RAP1GDS1: variants seen among roughly 807,000 people sequenced by gnomAD.
RAP1GDS1 encodes the protein RAP1, GTP-GDP dissociation stimulator 1.
Under a neutral mutation model 71.1 loss-of-function variants are expected in RAP1GDS1, and 35 were observed. That is an observed-to-expected ratio of 0.49 (90% CI 0.38 to 0.65). The LOEUF is 0.65. Ranked by LOEUF, RAP1GDS1 falls within the 30% of genes least tolerant of loss-of-function variation. The pLI is 0.00. For missense variants in RAP1GDS1, 663 were observed against 706.1 expected, an observed-to-expected ratio of 0.94 and a Z score of 0.69; for synonymous variants, 229 against 243.1, an observed-to-expected ratio of 0.94 and a Z score of 0.54.
At chr4:98,418,893 A>AT in intron 10 of RAP1GDS1, 102 bp downstream of exon 10, 1 of 1,178,862 alleles carries the variant, frequency 8.5e-7, no homozygotes, top group Non-Finnish European at 1.1e-6. Context: ...GATGAAGAAA[A>AT]TTTAAAAAAA....
chr4:98,433,609 C>T (rs1578874502), intron 12 of RAP1GDS1, among the ~76,000 whole-genome samples: 1 of 152,102 alleles, frequency 6.6e-6, no homozygotes, highest in African/African-American at 2.4e-5. Flanking sequence ...AAGTTTTATT[C>T]TTGTTTGTCA....
chr4:98,272,778 GTATAAAATCCACTTTTCAGTTGCCA>G (rs1723657191), intron 1 of RAP1GDS1, among the ~76,000 whole-genome samples: 1 of 152,028 alleles, frequency 6.6e-6, no homozygotes, highest in Non-Finnish European at 1.5e-5. Context: ...ATCTCCAGTT[GTATAAAATCCACTTTTCAGTTGCCA>G]TATAAAATCC....
intron 1 of RAP1GDS1, among the ~76,000 whole-genome samples, chr4:98,271,082 A>G (rs2110231095): frequency 6.6e-6 from 1 of 152,202 alleles, no homozygotes; most frequent in Middle Eastern, 3.4e-3. Flanking sequence ...TAGGGAGTTA[A>G]AAGTTATGTG....
chr4:98,289,853 C>A (rs533839105), intron 1 of RAP1GDS1, among the ~76,000 whole-genome samples: 2 of 152,148 alleles, frequency 1.3e-5, no homozygotes, highest in South Asian at 4.1e-4. Context: ...TTCTTCCATT[C>A]ATGCATTGGC....
rs1323999066 is a variant in RAP1GDS1 at position 98,293,503 on chromosome 4, C to T, written c.100C>T (p.Leu34=). The T allele has an allele frequency of 6.2e-7, 1 of 1,604,046 alleles. No individual in the cohort carries two copies. Residue 34 remains leucine (L), a synonymous_variant, in exon 2 of 15, where the codon CTG becomes TTG. Transcript: ENST00000408927. ...EGCLDCLLQA[L]AQNNTETSEK... ...ATGCTTGGATTGTCTGCTTCAAGCC[C>T]TGGCTCAAAATAGTAAGTTTCATTA...
At chr4:98,384,078 AT>A (rs1229242144) in intron 5 of RAP1GDS1, among the ~76,000 whole-genome samples, 1 of 151,604 alleles carries the variant, frequency 6.6e-6, no homozygotes, top group Non-Finnish European at 1.5e-5. Flanking sequence ...TATCTTTGCA[AT>A]TTATTATCTT....
chr4:98,272,922 C>T (rs1723688900), intron 1 of RAP1GDS1, among the ~76,000 whole-genome samples: 1 of 152,176 alleles, frequency 6.6e-6, no homozygotes, highest in Non-Finnish European at 1.5e-5. Flanking sequence ...TTTCGCTGAG[C>T]TCATAAGGCA....
At chr4:98,350,578 G>A (rs1351427865) in intron 3 of RAP1GDS1, among the ~76,000 whole-genome samples, 4 of 152,074 alleles carry the variant, frequency 2.6e-5, no homozygotes, top group Non-Finnish European at 5.9e-5. Context: ...GGTGGCTCAC[G>A]GCTGTAATCT....
chr4:98,294,576 A>G (rs1202299033), intron 2 of RAP1GDS1, among the ~76,000 whole-genome samples: 1 of 152,142 alleles, frequency 6.6e-6, no homozygotes, highest in Non-Finnish European at 1.5e-5. Context: ...ATGGTAAAGA[A>G]AAAGGACAGG....
chr4:98,439,945 C>T lies in RAP1GDS1; in HGVS notation c.1697-2045C>T, dbSNP rs529309722. Among the ~76,000 whole-genome samples, 1,173 of 152,270 alleles carry T rather than the reference C, an allele frequency of 7.7e-3. 15 individuals carry two copies. Among genetic ancestry groups the T allele is most frequent in the African/African-American group, 0.027 (1,123 of 41,550 alleles). ...CACCAGCATCCATCTCCAGAACCAC[C>T]TTCATTTTCCCAAACTGAAACTCTG... is the stretch of plus-strand genomic sequence containing the variant. On this transcript the variant is annotated intron_variant, in intron 14 of 14. Transcript: ENST00000408927.
chr4:98,326,200 A>G (rs1246287565), intron 2 of RAP1GDS1, among the ~76,000 whole-genome samples: 1 of 152,162 alleles, frequency 6.6e-6, no homozygotes, highest in Non-Finnish European at 1.5e-5. Flanking sequence ...TGCTTTTTAA[A>G]TATTGAATTT....
chr4:98,298,027 G>A (rs1023504704), intron 2 of RAP1GDS1, among the ~76,000 whole-genome samples: 7 of 152,176 alleles, frequency 4.6e-5, no homozygotes, highest in Non-Finnish European at 8.8e-5. Flanking sequence ...GAAACTTTGA[G>A]CGCTCTGGTT....
At chr4:98,370,351 A>G (rs1007233780) in intron 4 of RAP1GDS1, among the ~76,000 whole-genome samples, 2 of 152,338 alleles carry the variant, frequency 1.3e-5, no homozygotes, top group Middle Eastern at 3.4e-3. Context: ...TAGAGAAAAC[A>G]TGTTAATGTT....
intron 4 of RAP1GDS1, among the ~76,000 whole-genome samples, chr4:98,374,006 C>T (rs1020234128): frequency 6.6e-6 from 1 of 152,058 alleles, no homozygotes; most frequent in Non-Finnish European, 1.5e-5. Context: ...CTCAGAACAG[C>T]GTGCAATTTA....
rs187345459 is a variant in RAP1GDS1 at position 98,422,069 on chromosome 4, G to A, written c.1440+675G>A. ...AAAAAAATTAGCTGGGCGTGGTGGC[G>A]GGCACCTGTAGTCCCAGCTACTCGG... On this transcript the variant is annotated intron_variant, in intron 12 of 14. Transcript: ENST00000408927. Among the ~76,000 whole-genome samples the A allele has an allele frequency of 7.5e-3, 1,131 of 151,646 alleles. 14 individuals are homozygous for A. The highest frequency in any genetic ancestry group is 0.027 in the African/African-American group (1,101 of 41,370).
intron 6 of RAP1GDS1, among the ~76,000 whole-genome samples, chr4:98,395,669 C>A (rs1403415886): frequency 6.6e-6 from 1 of 152,138 alleles, no homozygotes; most frequent in Non-Finnish European, 1.5e-5. Context: ...TTAACCAACC[C>A]TTTTTAAACA....
intron 5 of RAP1GDS1, among the ~76,000 whole-genome samples, chr4:98,385,250 T>G (rs1742565851): frequency 6.6e-6 from 1 of 151,778 alleles, no homozygotes; most frequent in Non-Finnish European, 1.5e-5. Context: ...TTACATGAAA[T>G]GCTTACCTAT....
intron 2 of RAP1GDS1, among the ~76,000 whole-genome samples, chr4:98,317,097 AT>A (rs1378642420): frequency 6.6e-6 from 1 of 151,848 alleles, no homozygotes; most frequent in African/African-American, 2.4e-5. Context: ...GACTAATATT[AT>A]TTCCCTCTTT....
chr4:98,291,929 T>G (rs575076616), intron 1 of RAP1GDS1, among the ~76,000 whole-genome samples: 18 of 152,148 alleles, frequency 1.2e-4, no homozygotes, highest in Non-Finnish European at 2.6e-4. Flanking sequence ...GTGTCCAGTT[T>G]TAGTATATCA....
Sources: gnomAD v4.1 joint callset for allele counts (sites outside exome capture counted in the v4.1 genomes callset) on GRCh38, gnomAD v4.1.1 for gene constraint, MANE v1.5 for transcripts, NCBI Gene and HGNC (gene_info 2026-07-23, HGNC 2026-07-21) for gene names.